GALNT13: variants seen among roughly 807,000 people sequenced by gnomAD.
The protein encoded by GALNT13 is UDP-GalNAc:polypeptide N-acetylgalactosaminyltransferase 13.
GALNT13 carries 28 observed loss-of-function variants against 64.2 expected under a neutral mutation model. The ratio of observed to expected loss-of-function variants is 0.44; its 90% CI spans 0.32 to 0.60. GALNT13 has a LOEUF of 0.60. Ranked by LOEUF, GALNT13 falls within the 20% of genes least tolerant of loss-of-function variation. The pLI, the probability that GALNT13 is intolerant of heterozygous loss-of-function variation, is 0.05. For synonymous variants in GALNT13, 214 were observed against 224.6 expected (o/e 0.95, Z 0.42); for missense variants, 577 against 669.8 (o/e 0.86, Z 1.53).
the GALNT13 span, among the ~76,000 whole-genome samples, chr2:153,162,028 A>G: frequency 6.6e-6 from 1 of 152,156 alleles, no homozygotes; most frequent in Non-Finnish European, 1.5e-5. Flanking sequence ...GGTTTTTGCT[A>G]TCTGAAGGCG....
At chr2:153,075,007 A>G in the GALNT13 span, among the ~76,000 whole-genome samples, 1 of 152,200 alleles carries the variant, frequency 6.6e-6, no homozygotes, top group East Asian at 1.9e-4. Flanking sequence ...TGCTGGGATT[A>G]CAGATGTGAG....
In GALNT13 at chr2:154,298,997, G is replaced by A. The variant is rs144778147; in HGVS notation, c.976-2412G>A. 6.6e-4 allele frequency among the ~76,000 whole-genome samples: 90 copies of A among 135,590 alleles called. 2 individuals carry two copies. The highest frequency in any genetic ancestry group is 5.2e-3 in the East Asian group (25 of 4,822). The allele number at this position is 135,590 out of a possible 152,430, so 89.0% of individuals were successfully genotyped here. On this transcript the variant is annotated intron_variant, in intron 8 of 12. Coordinates refer to ENST00000392825, the MANE Select transcript of GALNT13 (RefSeq NM_052917.4). ...AAATTACATAATTCATAATTCTACC[G>A]TAACAAAAATATAAAATATATATTA... is the stretch of plus-strand genomic sequence containing the variant.
At chr2:154,410,692 T>C (rs921943558) in intron 11 of GALNT13, among the ~76,000 whole-genome samples, 1 of 151,886 alleles carries the variant, frequency 6.6e-6, no homozygotes, top group Non-Finnish European at 1.5e-5. Context: ...TACCAAGATA[T>C]TGGGGAGACA....
the GALNT13 span, among the ~76,000 whole-genome samples, chr2:153,755,308 T>C: frequency 6.6e-6 from 1 of 152,172 alleles, no homozygotes; most frequent in East Asian, 1.9e-4. Flanking sequence ...CCTCTATTTT[T>C]AGTTTTTTGA....
At chr2:153,662,413 A>G in the GALNT13 span, among the ~76,000 whole-genome samples, 1 of 152,124 alleles carries the variant, frequency 6.6e-6, no homozygotes, top group South Asian at 2.1e-4. Flanking sequence ...AATCCCAGTA[A>G]TCTCCATCTC....
chr2:154,021,015 A>T (rs947107013), intron 3 of GALNT13, among the ~76,000 whole-genome samples: 12 of 152,116 alleles, frequency 7.9e-5, no homozygotes, highest in African/African-American at 2.7e-4. Context: ...AGTTGTAGAT[A>T]TGCGGCATTA....
At chr2:153,530,447 C>T in the GALNT13 span, among the ~76,000 whole-genome samples, 7 of 152,110 alleles carry the variant, frequency 4.6e-5, no homozygotes, top group Middle Eastern at 3.4e-3. Context: ...CCATACTCCC[C>T]AAAGCAATCT....
the GALNT13 span, among the ~76,000 whole-genome samples, chr2:153,545,421 C>G: frequency 6.6e-6 from 1 of 152,142 alleles, no homozygotes; most frequent in African/African-American, 2.4e-5. Context: ...AGTTGCAAGA[C>G]TGTTGGAGAA....
chr2:154,334,697 G>A lies in GALNT13; in HGVS notation c.1156+33108G>A, dbSNP rs551636038. 1.1e-4 allele frequency among the ~76,000 whole-genome samples: 16 copies of A among 151,960 alleles called. No individual in the cohort carries two copies. In the East Asian group the frequency reaches 1.9e-3, roughly 18 times the overall value. On this transcript the variant is annotated intron_variant, in intron 9 of 12. Transcript: ENST00000392825. ...TCCTGGACTTTGTGTATATCTCTCC[G>A]TTCTCACTACATAGGTTTGGGCAAT... is the stretch of plus-strand genomic sequence containing the variant.
intron 3 of GALNT13, among the ~76,000 whole-genome samples, chr2:154,126,399 GC>G (rs1163622652): frequency 2.0e-5 from 3 of 152,090 alleles, no homozygotes; most frequent in Non-Finnish European, 4.4e-5. Context: ...ACTTTGGAAG[GC>G]CGAGGCGGGC....
intron 9 of GALNT13, among the ~76,000 whole-genome samples, chr2:154,379,588 A>C (rs548921456): frequency 6.6e-6 from 1 of 152,082 alleles, no homozygotes; most frequent in East Asian, 1.9e-4. Flanking sequence ...AACTACTTAA[A>C]ATGTAAAAAC....
the GALNT13 span, among the ~76,000 whole-genome samples, chr2:153,260,053 C>T: frequency 0.033 from 5,017 of 152,000 alleles, 277 homozygotes; most frequent in African/African-American, 0.11. Flanking sequence ...CAACTTAACA[C>T]TATTTGCATA....
intron 8 of GALNT13, among the ~76,000 whole-genome samples, chr2:154,260,275 T>C (rs1023332649): frequency 2.0e-5 from 3 of 152,186 alleles, no homozygotes; most frequent in African/African-American, 7.2e-5. Context: ...TCTATGAAGT[T>C]TAAAAATTAT....
the GALNT13 span, among the ~76,000 whole-genome samples, chr2:153,093,636 T>C: frequency 6.6e-6 from 1 of 152,184 alleles, no homozygotes. Context: ...GCCAGTAGTT[T>C]TCTTTTTTTG....
the GALNT13 span, among the ~76,000 whole-genome samples, chr2:153,227,133 T>G: frequency 6.6e-6 from 1 of 152,190 alleles, no homozygotes; most frequent in Non-Finnish European, 1.5e-5. Context: ...GGGGATGTTT[T>G]GGGAAAGACA....
chr2:153,995,113 AAC>A (rs1553464261), intron 3 of GALNT13, among the ~76,000 whole-genome samples: 4 of 151,186 alleles, frequency 2.6e-5, no homozygotes, highest in Non-Finnish European at 5.9e-5. Flanking sequence ...ACAACTAAGA[AAC>A]AATTAATTAG....
chr2:153,491,594 ATATTTATTTATTTATTTATTTATT>A, the GALNT13 span, among the ~76,000 whole-genome samples: 2 of 145,450 alleles, frequency 1.4e-5, no homozygotes, highest in African/African-American at 5.2e-5. Flanking sequence ...AAACCATATT[ATATTTATTTATTTATTTATTTATT>A]TATTTATTTA....
intron 3 of GALNT13, among the ~76,000 whole-genome samples, chr2:154,034,650 T>G (rs942872229): frequency 1.3e-5 from 2 of 152,218 alleles, no homozygotes; most frequent in Non-Finnish European, 2.9e-5. Context: ...CATTTATTAA[T>G]GTACACATTG....
chr2:154,300,061 G>T (rs1693341821), intron 8 of GALNT13, among the ~76,000 whole-genome samples: 2 of 149,488 alleles, frequency 1.3e-5, no homozygotes, highest in East Asian at 3.9e-4. Context: ...TATCTGAAGG[G>T]TCAGGTGAAA....
Sources: allele counts gnomAD v4.1 joint callset (sites outside exome capture counted in the v4.1 genomes callset), GRCh38; gene constraint gnomAD v4.1.1; transcripts MANE v1.5; gene names NCBI Gene and HGNC (gene_info 2026-07-23, HGNC 2026-07-21).